The following CAST variants were observed in gnomAD, a reference collection of about 807,000 sequenced individuals.
The protein encoded by CAST is calpastatin.
A neutral mutation model predicts 119.6 loss-of-function variants in CAST; 76 were observed. The observed-to-expected ratio is 0.64, with a 90% confidence interval of 0.53 to 0.77. CAST has a LOEUF of 0.77. Among genes scored for constraint, CAST ranks in the 30% least tolerant of loss-of-function variants. The pLI is 0.00. For synonymous variants in CAST, 319 were observed against 331.6 expected (o/e 0.96, Z 0.41); for missense variants, 953 against 946.5 (o/e 1.01, Z -0.09).
chr5:96,676,166 CT>C (rs1212817104), intron 2 of CAST, among the ~76,000 whole-genome samples: 1 of 152,202 alleles, frequency 6.6e-6, no homozygotes, highest in Non-Finnish European at 1.5e-5. Flanking sequence ...TGACCTACTT[CT>C]CTATGGAAGG....
At chr5:96,333,366 C>T in the CAST span, among the ~76,000 whole-genome samples, 30 of 152,266 alleles carry the variant, frequency 2.0e-4, no homozygotes, top group African/African-American at 6.3e-4. Context: ...CCAGAATGAG[C>T]AGCCTTTTCC....
At chr5:95,970,123 G>GT in the CAST span, 1 of 152,194 alleles carries the variant, frequency 6.6e-6, no homozygotes, top group South Asian at 2.1e-4. Flanking sequence ...CTTCACGCAT[G>GT]TTTTTTGAGT....
At chr5:96,358,315 C>T in the CAST span, among the ~76,000 whole-genome samples, 11 of 151,986 alleles carry the variant, frequency 7.2e-5, 1 homozygote, top group Admixed American at 3.9e-4. Flanking sequence ...AAGGGTTTTT[C>T]GAGTCTCTAT....
chr5:96,304,624 G>A, the CAST span, among the ~76,000 whole-genome samples: 1 of 152,228 alleles, frequency 6.6e-6, no homozygotes, highest in South Asian at 2.1e-4. Context: ...GTTAATTTTT[G>A]TATAAGGTGT....
chr5:96,246,305 C>G, the CAST span, among the ~76,000 whole-genome samples: 2 of 150,862 alleles, frequency 1.3e-5, no homozygotes, highest in African/African-American at 4.9e-5. Flanking sequence ...GCCTCAGCCT[C>G]CCGAGTAGCT....
rs116218778 is a variant in CAST at position 96,567,407 on chromosome 5, G to A, written c.60+37527G>A. 6.8e-3 allele frequency among the ~76,000 whole-genome samples: 1,039 copies of A among 152,144 alleles called. 8 individuals carry two copies. The highest frequency in any genetic ancestry group is 0.024 in the African/African-American group (994 of 41,502). ...GGTAGTCCTTCCTTCCTGCCAGACC[G>A]TCTCTTTCCTGACCACAAAAAGGCA... On this transcript the variant is annotated intron_variant, in intron 1 of 11. Transcript: ENST00000505143.
In CAST at chr5:96,724,824, A is replaced by AAAAT. The variant is rs150344814; in HGVS notation, c.271-1943_271-1940dup. 4.4e-3 allele frequency among the ~76,000 whole-genome samples: 659 copies of AAAAT among 150,138 alleles called. 1 individual carries two copies. Among genetic ancestry groups the AAAAT allele is most frequent in the African/African-American group, 5.5e-3 (224 of 40,894 alleles). The stretch of plus-strand genomic sequence containing the variant: ...GGTGACAGAGCAAGACCCTGTCTCA[A>AAAAT]AAATAAATAAATAAATAAATAAATA... On this transcript the variant is annotated intron_variant, in intron 4 of 31. Coordinates refer to ENST00000675179, the MANE Select transcript of CAST (RefSeq NM_001750.7).
the CAST span, among the ~76,000 whole-genome samples, chr5:96,373,747 CT>C: frequency 1.6e-4 from 23 of 148,114 alleles, no homozygotes; most frequent in South Asian, 6.5e-4. Flanking sequence ...TTTTTCTTCT[CT>C]TTTTTTTTTG....
At chr5:96,124,664 G>C in the CAST span, among the ~76,000 whole-genome samples, 1 of 152,058 alleles carries the variant, frequency 6.6e-6, no homozygotes, top group Admixed American at 6.6e-5. Flanking sequence ...TATAGTCATA[G>C]GATGAGCTTC....
the CAST span, among the ~76,000 whole-genome samples, chr5:96,387,936 G>A: frequency 9.2e-5 from 14 of 152,296 alleles, 1 homozygote; most frequent in Non-Finnish European, 1.0e-4. Flanking sequence ...GAAGAAATTC[G>A]AGGATGTTTT....
the CAST span, among the ~76,000 whole-genome samples, chr5:96,188,536 A>T: frequency 6.6e-6 from 1 of 151,948 alleles, no homozygotes; most frequent in South Asian, 2.1e-4. Flanking sequence ...TATGTCTGTG[A>T]TAATTGTCTA....
chr5:95,999,482 T>TG, the CAST span, among the ~76,000 whole-genome samples: 1 of 152,148 alleles, frequency 6.6e-6, no homozygotes, highest in South Asian at 2.1e-4. Context: ...CTTGAGTAGC[T>TG]GGGACCACAG....
At chr5:96,153,393 A>G in the CAST span, among the ~76,000 whole-genome samples, 1 of 152,162 alleles carries the variant, frequency 6.6e-6, no homozygotes, top group Non-Finnish European at 1.5e-5. Context: ...CAGGTTCTGG[A>G]ATTCCTTGAC....
At chr5:96,245,596 A>G in the CAST span, among the ~76,000 whole-genome samples, 1 of 150,624 alleles carries the variant, frequency 6.6e-6, no homozygotes, top group Non-Finnish European at 1.5e-5. Context: ...GTTCAGGGCT[A>G]TCAGTGTTTG....
chr5:96,251,716 T>C, the CAST span, among the ~76,000 whole-genome samples: 1 of 152,046 alleles, frequency 6.6e-6, no homozygotes, highest in Non-Finnish European at 1.5e-5. Context: ...CAGATGTCAG[T>C]GATAAAAGCA....
chr5:96,466,252 G>A, the CAST span, among the ~76,000 whole-genome samples: 1 of 152,000 alleles, frequency 6.6e-6, no homozygotes, highest in Non-Finnish European at 1.5e-5. Context: ...CCACCTCCTT[G>A]ACTGGGATTA....
At chr5:96,580,583 G>A (rs966511289) in intron 1 of CAST, among the ~76,000 whole-genome samples, 1 of 152,206 alleles carries the variant, frequency 6.6e-6, no homozygotes, top group African/African-American at 2.4e-5. Context: ...CATATCTGGA[G>A]TAGGGCTTGG....
chr5:96,445,432 C>T, the CAST span, among the ~76,000 whole-genome samples: 1 of 152,160 alleles, frequency 6.6e-6, no homozygotes, highest in African/African-American at 2.4e-5. Context: ...TCTTCTTGCT[C>T]TGCAGAAAAG....
At chr5:96,309,634 AG>A in the CAST span, among the ~76,000 whole-genome samples, 1 of 152,074 alleles carries the variant, frequency 6.6e-6, no homozygotes, top group Non-Finnish European at 1.5e-5. Context: ...CCATGGAAAA[AG>A]CACAGTATCT....
Sources: allele counts gnomAD v4.1 joint callset (sites outside exome capture counted in the v4.1 genomes callset), GRCh38; gene constraint gnomAD v4.1.1; transcripts MANE v1.5; gene names NCBI Gene and HGNC (gene_info 2026-07-23, HGNC 2026-07-21).